The following SV2B variants were observed in gnomAD, a reference collection of about 807,000 sequenced individuals.
SV2B encodes the protein synaptic vesicle glycoprotein 2B.
SV2B carries 41 observed loss-of-function variants against 73.9 expected under a neutral mutation model. The observed-to-expected ratio is 0.56, with a 90% CI of 0.43 to 0.72. The LOEUF (loss-of-function observed/expected upper bound fraction) is 0.72, where lower values mean the gene tolerates loss of function less well. Among genes scored for constraint, SV2B ranks in the 30% least tolerant of loss-of-function variants. The pLI is 0.00. For missense variants in SV2B, 764 were observed against 857.8 expected (o/e 0.89, Z 1.37); for synonymous variants, 314 against 314.2 (o/e 1.00, Z 0.01).
Position 91,119,032 on chromosome 15 carries a change from C to T in SV2B, c.-392+18669C>T, listed in dbSNP as rs189730635. Among the ~76,000 whole-genome samples the T allele has an allele frequency of 8.1e-4, 124 of 152,282 alleles. 1 individual carries two copies. The highest frequency in any genetic ancestry group is 2.9e-3 in the African/African-American group (122 of 41,562). ...CTCCTAATCCTCAGCTTCTGTCTGG[C>T]CTGTAGCAGATGGAATCCTCTGCAG... On this transcript the variant is annotated intron_variant, in intron 1 of 12. Transcript: ENST00000394232.
intron 6 of SV2B, among the ~76,000 whole-genome samples, chr15:91,262,759 A>G (rs894667619): frequency 1.3e-5 from 2 of 152,310 alleles, no homozygotes; most frequent in African/African-American, 4.8e-5. Context: ...TCCAAATGAA[A>G]GATGTTAAGG....
intron 1 of SV2B, among the ~76,000 whole-genome samples, chr15:91,215,646 T>C (rs949261174): frequency 6.6e-6 from 1 of 152,174 alleles, no homozygotes; most frequent in African/African-American, 2.4e-5. Context: ...CTACCTAGCA[T>C]TTTTACCTGG....
rs183590953 is a variant in SV2B, at chr15:91,139,141, G to C, written c.-392+38778G>C. ...AAAAATTGTTACTGATGTGCGTATGGCTAAAATCATATGATGTTGGGCTGT... is the reference window on the plus strand; with the variant it reads ...AAAAATTGTTACTGATGTGCGTATGCCTAAAATCATATGATGTTGGGCTGT... On this transcript the variant is annotated intron_variant, in intron 1 of 12. Transcript: ENST00000394232. The surrounding 1 kb of genome is among the most constrained non-coding windows in gnomAD (Gnocchi z 5.2). 3.6e-3 allele frequency among the ~76,000 whole-genome samples: 549 copies of C among 152,254 alleles called. No homozygotes were observed. Among genetic ancestry groups the C allele is most frequent in the Middle Eastern group, 6.8e-3 (2 of 292 alleles).
chr15:91,125,676 G>C (rs1477458257), intron 1 of SV2B, among the ~76,000 whole-genome samples: 1 of 151,064 alleles, frequency 6.6e-6, no homozygotes, highest in Admixed American at 6.6e-5. Context: ...TTGGGAGGCT[G>C]AGGTGGGAGG....
chr15:91,113,076 C>G (rs2042081179), intron 1 of SV2B, among the ~76,000 whole-genome samples: 3 of 152,208 alleles, frequency 2.0e-5, no homozygotes, highest in African/African-American at 7.2e-5. Flanking sequence ...AAGCGGTGCT[C>G]TCACCTTGGC....
rs529220390 is a variant in SV2B at position 91,118,747 on chromosome 15, G to T, written c.-392+18384G>T. On this transcript the variant is annotated intron_variant, in intron 1 of 12. Coordinates refer to ENST00000394232, the MANE Select transcript of SV2B (RefSeq NM_001323032.3). This position sits in a 1 kb window ranked among gnomAD's most constrained non-coding sequence, Gnocchi z 4.7. ...CCCAGTCCAAACCAGAGCCATGCCA[G>T]GGAGGGACATCTCTCTGTCATCATC... Among the ~76,000 whole-genome samples the T allele has an allele frequency of 3.2e-4, 49 of 152,372 alleles. No individual in the cohort carries two copies. Among genetic ancestry groups the T allele is most frequent in the African/African-American group, 1.2e-3 (49 of 41,596 alleles).
chr15:91,160,557 G>GAGA (rs1285581781), intron 1 of SV2B, among the ~76,000 whole-genome samples: 1 of 152,196 alleles, frequency 6.6e-6, no homozygotes, highest in Non-Finnish European at 1.5e-5. Flanking sequence ...ACAGTGAGCT[G>GAGA]AGATCATGCC....
chr15:91,200,101 C>T (rs574656089), intron 1 of SV2B, among the ~76,000 whole-genome samples: 2 of 152,294 alleles, frequency 1.3e-5, no homozygotes, highest in East Asian at 3.9e-4. Context: ...TCAAGCCTCT[C>T]CTATTGCATT....
At position 91,242,561 on chromosome 15, in the gene SV2B, A is replaced by C. The variant is rs972166809; in HGVS notation, c.452-9258A>C. On this transcript the variant is annotated intron_variant, in intron 2 of 12. Transcript: ENST00000394232. The surrounding 1 kb of genome is among the most constrained non-coding windows in gnomAD (Gnocchi z 4.9). ...AGATTTCGCCTGAAATATGAGAAGG[A>C]GCCAGCCATGCGAAGATCTGAACAA... is the stretch of plus-strand genomic sequence containing the variant. Among the ~76,000 whole-genome samples, 1 of 152,198 alleles carries C rather than the reference A, an allele frequency of 6.6e-6. No homozygotes were observed. Among genetic ancestry groups the C allele is most frequent in the Non-Finnish European group, 1.5e-5 (1 of 68,042 alleles).
chr15:91,286,454 A>G (rs927957978), intron 11 of SV2B, among the ~76,000 whole-genome samples: 2 of 152,284 alleles, frequency 1.3e-5, no homozygotes, highest in African/African-American at 4.8e-5. Flanking sequence ...ACATTTATTT[A>G]TGCAGTAGTT....
At chr15:91,126,906 T>C (rs1226536877) in intron 1 of SV2B, among the ~76,000 whole-genome samples, 4 of 152,356 alleles carry the variant, frequency 2.6e-5, no homozygotes, top group East Asian at 3.9e-4. Flanking sequence ...TCATAGTTAA[T>C]GGTGAAAGAC....
At chr15:91,187,923 A>G (rs948854161) in intron 1 of SV2B, among the ~76,000 whole-genome samples, 10 of 152,118 alleles carry the variant, frequency 6.6e-5, no homozygotes, top group African/African-American at 2.4e-4. Context: ...TTTGGGTTTA[A>G]TTTCAAGTAC....
chr15:91,265,591 G>A lies in SV2B; in HGVS notation c.1009-991G>A, dbSNP rs2048071032. Among the ~76,000 whole-genome samples the A allele has an allele frequency of 6.6e-6, 1 of 152,178 alleles. No homozygotes were observed. The highest frequency in any genetic ancestry group is 1.5e-5 in the Non-Finnish European group (1 of 68,036). On this transcript the variant is annotated intron_variant, in intron 6 of 12. Coordinates refer to ENST00000394232, the MANE Select transcript of SV2B (RefSeq NM_001323032.3). The surrounding 1 kb of genome is among the most constrained non-coding windows in gnomAD (Gnocchi z 4.2). ...ACTTCCCCTGTAGCCTCCTTTATCTGTAGCTGGGGGTCATAACATCCATGA... is the reference window on the plus strand; with the variant it reads ...ACTTCCCCTGTAGCCTCCTTTATCTATAGCTGGGGGTCATAACATCCATGA...
chr15:91,171,292 A>T (rs1435526396), intron 1 of SV2B, among the ~76,000 whole-genome samples: 1 of 152,204 alleles, frequency 6.6e-6, no homozygotes, highest in East Asian at 1.9e-4. Flanking sequence ...TATGAATACT[A>T]CTTACCTAAT....
At chr15:91,169,904 T>A (rs2044059621) in intron 1 of SV2B, among the ~76,000 whole-genome samples, 1 of 152,206 alleles carries the variant, frequency 6.6e-6, no homozygotes, top group Non-Finnish European at 1.5e-5. Flanking sequence ...CCCTGTTGTT[T>A]TCACTGGGAA....
intron 9 of SV2B, among the ~76,000 whole-genome samples, chr15:91,272,702 A>C (rs1411943233): frequency 6.6e-6 from 1 of 152,156 alleles, no homozygotes; most frequent in East Asian, 1.9e-4. Flanking sequence ...AGCAGGGGGC[A>C]GGAAGAGCAG....
At chr15:91,126,480 G>A (rs561157422) in intron 1 of SV2B, among the ~76,000 whole-genome samples, 1 of 152,324 alleles carries the variant, frequency 6.6e-6, no homozygotes, top group African/African-American at 2.4e-5. Context: ...GATGAGCCAG[G>A]TCTTTGGCTT....
chr15:91,272,741 A>AG (rs1567420134), intron 9 of SV2B, among the ~76,000 whole-genome samples: 9 of 151,678 alleles, frequency 5.9e-5, no homozygotes, highest in Non-Finnish European at 1.3e-4. Flanking sequence ...CACACACACA[A>AG]TAGAACAGAG....
At chr15:91,161,843 T>C (rs990698300) in intron 1 of SV2B, among the ~76,000 whole-genome samples, 1 of 152,218 alleles carries the variant, frequency 6.6e-6, no homozygotes, top group Non-Finnish European at 1.5e-5. Context: ...CCCCTGTGTA[T>C]ACTTCAAAGT....
Sources: allele counts gnomAD v4.1 joint callset (sites outside exome capture counted in the v4.1 genomes callset), GRCh38; gene constraint gnomAD v4.1.1; non-coding constraint Gnocchi (gnomAD v3.1); transcripts MANE v1.5; gene names NCBI Gene and HGNC (gene_info 2026-07-23, HGNC 2026-07-21).